Variants in NSG1 observed in about 807,000 individuals in gnomAD.
NSG1 encodes the protein neuronal vesicle trafficking-associated protein 1.
In NSG1, 9 loss-of-function variants were observed where a neutral mutation model predicts 19.3. The observed-to-expected ratio is 0.47, with a 90% CI of 0.28 to 0.81. The LOEUF is 0.81. Among genes scored for constraint, NSG1 ranks in the 40% least tolerant of loss-of-function variants. The probability of loss-of-function intolerance (pLI) is 0.11; values close to 1 mark genes in which losing one functional copy is unlikely to be tolerated. For synonymous variants in NSG1, 104 were observed against 107.0 expected (o/e 0.97, Z 0.17); for missense variants, 236 against 242.4 (o/e 0.97, Z 0.18).
chr4:4,408,410 C>T (rs559911065), intron 3 of NSG1, among the ~76,000 whole-genome samples: 2 of 152,326 alleles, frequency 1.3e-5, no homozygotes, highest in East Asian at 3.9e-4. Context: ...CCATCGCTCT[C>T]TCTGCCTCTC....
At chr4:4,398,898 C>T (rs558013482) in intron 3 of NSG1, among the ~76,000 whole-genome samples, 2 of 152,198 alleles carry the variant, frequency 1.3e-5, no homozygotes, top group African/African-American at 2.4e-5. Context: ...TTTACATTGC[C>T]ATTAGCAATG....
rs1309594436 is a variant in NSG1 at position 4,418,794 on chromosome 4, GAC to G, written c.*1363_*1364del. The G allele has an allele frequency of 2.0e-5, 3 of 152,566 alleles. No individual in the cohort carries two copies. Among genetic ancestry groups the G allele is most frequent in the Non-Finnish European group, 2.9e-5 (2 of 68,058 alleles). The allele number at this position is 152,566 out of a possible 1,614,324, so 9.5% of individuals were successfully genotyped here. A position where few individuals can be genotyped will look rare whatever the true frequency, so the allele number is the denominator to read the frequency against. The stretch of plus-strand genomic sequence containing the variant: ...TATTTTCTCATCAAGGGTGTCTGGA[GAC>G]ACAGACCGTGACCTTGGCGCAGCGG... On this transcript the variant is annotated 3_prime_UTR_variant, in exon 5 of 5. Coordinates refer to ENST00000621129, the MANE Select transcript of NSG1 (RefSeq NM_014392.5).
chr4:4,406,050 C>T (rs6446644), intron 3 of NSG1, among the ~76,000 whole-genome samples: 27,870 of 152,078 alleles, frequency 0.18, 2,946 homozygotes, highest in African/African-American at 0.29. Context: ...TTTTTTGAGA[C>T]GGAGTCTCAC....
chr4:4,409,496 G>C, intron 3 of NSG1, 77 bp from the exon 4 acceptor site: 1 of 1,027,066 alleles, frequency 9.7e-7, no homozygotes, highest in Non-Finnish European at 1.5e-6. Context: ...TGTGGGGGGG[G>C]GCCTTCGTGT....
intron 3 of NSG1, among the ~76,000 whole-genome samples, chr4:4,401,170 G>A (rs1321758930): frequency 6.6e-6 from 1 of 152,248 alleles, no homozygotes; most frequent in Non-Finnish European, 1.5e-5. Context: ...TTTACTGCCA[G>A]CTGCACAGAA....
chr4:4,406,305 G>C (rs1723854208), intron 3 of NSG1, among the ~76,000 whole-genome samples: 1 of 152,216 alleles, frequency 6.6e-6, no homozygotes, highest in African/African-American at 2.4e-5. Context: ...GGGATTACAG[G>C]CGTGAGCCAC....
At chr4:4,397,071 T>G in intron 3 of NSG1, among the ~76,000 whole-genome samples, 1 of 113,474 alleles carries the variant, frequency 8.8e-6, no homozygotes, top group Admixed American at 9.6e-5. Flanking sequence ...ATGTATTCAC[T>G]TTTGTGTGGG....
At chr4:4,401,215 G>A (rs1362257006) in intron 3 of NSG1, among the ~76,000 whole-genome samples, 1 of 152,240 alleles carries the variant, frequency 6.6e-6, no homozygotes, top group African/African-American at 2.4e-5. Context: ...AGACCCTGCT[G>A]TAATACACAC....
At chr4:4,400,855 A>G (rs1723514231) in intron 3 of NSG1, among the ~76,000 whole-genome samples, 2 of 152,252 alleles carry the variant, frequency 1.3e-5, no homozygotes, top group African/African-American at 4.8e-5. Context: ...ATGCATATCT[A>G]TCACAAATTT....
chr4:4,404,193 G>C (rs961786660), intron 3 of NSG1, among the ~76,000 whole-genome samples: 9 of 152,226 alleles, frequency 5.9e-5, no homozygotes, highest in African/African-American at 1.9e-4. Context: ...GGCCGACTTG[G>C]AGGTGCTGCC....
At chr4:4,394,678 A>G (rs1723164670) in intron 3 of NSG1, among the ~76,000 whole-genome samples, 1 of 152,228 alleles carries the variant, frequency 6.6e-6, no homozygotes, top group Admixed American at 6.5e-5. Context: ...TATGCCAGCC[A>G]TGGTAAGAGC....
At chr4:4,392,625 G>A (rs1048167505) in intron 3 of NSG1, among the ~76,000 whole-genome samples, 3 of 152,244 alleles carry the variant, frequency 2.0e-5, no homozygotes, top group Non-Finnish European at 4.4e-5. Flanking sequence ...GAGTGACTGG[G>A]GAAGCCAGGG....
At chr4:4,413,181 A>T (rs1724312551) in intron 4 of NSG1, among the ~76,000 whole-genome samples, 1 of 151,950 alleles carries the variant, frequency 6.6e-6, no homozygotes, top group African/African-American at 2.4e-5. Flanking sequence ...TTACATTCTC[A>T]AATGAACGGT....
intron 4 of NSG1, among the ~76,000 whole-genome samples, chr4:4,414,499 C>T (rs1010814889): frequency 9.2e-5 from 14 of 152,164 alleles, no homozygotes; most frequent in South Asian, 4.1e-4. Flanking sequence ...TGCCCTTGGC[C>T]GAAGCTGGAG....
chr4:4,404,586 T>G (rs1427087402), intron 3 of NSG1, among the ~76,000 whole-genome samples: 2 of 152,198 alleles, frequency 1.3e-5, no homozygotes, highest in Non-Finnish European at 2.9e-5. Flanking sequence ...GTGGTCGTGG[T>G]TCTCCAAGAT....
rs2108760329 is a variant in NSG1, at chr4:4,417,460, G to A, written c.*25G>A. On this transcript the variant is annotated 3_prime_UTR_variant, in exon 5 of 5. Transcript: ENST00000621129. ...GCGGGATGGGCAAGTTCCTTACAATGTGTCACTTGCAAATAACAAAGGGAC... is the reference window on the plus strand; with the variant it reads ...GCGGGATGGGCAAGTTCCTTACAATATGTCACTTGCAAATAACAAAGGGAC... The A allele has an allele frequency of 2.5e-6, 4 of 1,601,546 alleles. No homozygotes were observed. The highest frequency in any genetic ancestry group is 3.4e-6 in the Non-Finnish European group (4 of 1,168,798).
At chr4:4,391,985 C>T (rs1011476511) in intron 3 of NSG1, among the ~76,000 whole-genome samples, 1 of 152,200 alleles carries the variant, frequency 6.6e-6, no homozygotes, top group Non-Finnish European at 1.5e-5. Context: ...AAAGGGGTCC[C>T]AGCCCTTTAC....
At chr4:4,401,230 A>G (rs1324026886) in intron 3 of NSG1, among the ~76,000 whole-genome samples, 2 of 152,236 alleles carry the variant, frequency 1.3e-5, no homozygotes, top group Non-Finnish European at 2.9e-5. Context: ...ACACACATGC[A>G]TGCATATCAG....
chr4:4,389,759 G>A (rs1451344196), intron 2 of NSG1, among the ~76,000 whole-genome samples: 1 of 152,208 alleles, frequency 6.6e-6, no homozygotes, highest in South Asian at 2.1e-4. Context: ...AACGTGTATG[G>A]AGTGCTGAGG....
Sources: allele counts gnomAD v4.1 joint callset (sites outside exome capture counted in the v4.1 genomes callset), GRCh38; gene constraint gnomAD v4.1.1; transcripts MANE v1.5; gene names NCBI Gene and HGNC (gene_info 2026-07-23, HGNC 2026-07-21).